Variants in SARDH observed in about 807,000 individuals in gnomAD.
SARDH encodes sarcosine dehydrogenase.
SARDH carries 95 observed loss-of-function variants against 109.1 expected under a neutral mutation model. The ratio of observed to expected loss-of-function variants is 0.87; its 90% CI spans 0.74 to 1.03. The LOEUF is 1.03. Among genes scored for constraint, SARDH ranks in the 50% least tolerant of loss-of-function variants. The probability of loss-of-function intolerance (pLI) is 0.00; values close to 1 mark genes in which losing one functional copy is unlikely to be tolerated. For missense variants in SARDH, 1,267 were observed against 1,287.8 expected, an observed-to-expected ratio of 0.98 and a Z score of 0.25; for synonymous variants, 572 against 534.8, an observed-to-expected ratio of 1.07 and a Z score of -0.96.
intron 17 of SARDH, among the ~76,000 whole-genome samples, chr9:133,682,668 G>A (rs129954): frequency 1.3e-5 from 2 of 149,062 alleles, no homozygotes; most frequent in African/African-American, 5.1e-5. Context: ...GTTGGAAACT[G>A]CTAGAAGCGA....
chr9:133,671,524 C>A lies in SARDH; in HGVS notation c.2326+11G>T. 6.2e-7 allele frequency: 1 copy of A among 1,601,574 alleles called. No homozygotes were observed. Among genetic ancestry groups the A allele is most frequent in the South Asian group, 1.1e-5 (1 of 89,124 alleles). The stretch of plus-strand genomic sequence containing the variant: ...CGCCCCCGCCCCGTGCTGTCCAGAC[C>A]CTGCACTCACCTTTCTCAATGCTCA... On this transcript the variant is annotated intron_variant, in intron 18 of 20. Transcript: ENST00000439388.
chr9:133,664,965 C>T (rs1830011349), intron 20 of SARDH, among the ~76,000 whole-genome samples: 1 of 152,190 alleles, frequency 6.6e-6, no homozygotes, highest in Non-Finnish European at 1.5e-5. Flanking sequence ...CCTTCCCCAT[C>T]TCGGAGCCTT....
intron 17 of SARDH, among the ~76,000 whole-genome samples, chr9:133,674,710 G>A (rs1004009611): frequency 2.6e-5 from 4 of 152,196 alleles, no homozygotes; most frequent in Admixed American, 6.5e-5. Context: ...AGCTGGTCGC[G>A]TACCTTACAT....
Position 133,702,975 on chromosome 9 carries a change from C to G in SARDH, c.1609G>C (p.Ala537Pro), listed in dbSNP as rs1192479180. 3.7e-6 allele frequency: 6 copies of G among 1,613,336 alleles called. No homozygotes were observed. The African/African-American group carries it at 8.0e-5, about 22-fold the overall frequency. Residue 537 changes from alanine to proline, a missense_variant, in exon 13 of 21, where the codon GCC (alanine) becomes CCC (proline). Ala to Pro is a conservative substitution (Grantham distance 27). Transcript: ENST00000439388. ...TCGTCTGCCAGCAGCCTGCGGTAGG[C>G]GTAGTCCTCGTGCGCGCGGCTCCCG... ...AYGSRAHEDY[A>P]YRRLLADEYT... is the part of the protein sequence containing the mutation.
intron 10 of SARDH, among the ~76,000 whole-genome samples, chr9:133,710,569 G>A (rs1831880009): frequency 6.6e-6 from 1 of 152,262 alleles, no homozygotes; most frequent in Non-Finnish European, 1.5e-5. Flanking sequence ...GCAACCAGGA[G>A]TCTCTGAGCA....
intron 16 of SARDH, among the ~76,000 whole-genome samples, chr9:133,688,954 A>T (rs529679749): frequency 6.6e-6 from 1 of 152,358 alleles, no homozygotes; most frequent in East Asian, 1.9e-4. Context: ...ACCACAGTGC[A>T]TATGCTTGGA....
intron 14 of SARDH, among the ~76,000 whole-genome samples, chr9:133,695,699 A>G (rs1046425146): frequency 8.5e-6 from 1 of 117,902 alleles, no homozygotes; most frequent in Admixed American, 1.1e-4. Flanking sequence ...GCAGCCCAGA[A>G]CACTCATGAA....
At chr9:133,733,223 A>T (rs1410178747) in intron 2 of SARDH, among the ~76,000 whole-genome samples, 5 of 152,046 alleles carry the variant, frequency 3.3e-5, no homozygotes, top group African/African-American at 1.2e-4. Flanking sequence ...CCTCTTCCCA[A>T]CTCCACAGTC....
rs7861063 is a variant in SARDH at position 133,736,378 on chromosome 9, G to T, written c.-31+1876C>A. The stretch of plus-strand genomic sequence containing the variant: ...GTGTCTCATGTTTAAATTCTGTTTT[G>T]TTGTTGTTGTTGTTGTTTGTTTGTT... On this transcript the variant is annotated intron_variant, in intron 1 of 20. Coordinates refer to ENST00000439388, the MANE Select transcript of SARDH (RefSeq NM_001134707.2). Among the ~76,000 whole-genome samples, 159 of 139,664 alleles carry T rather than the reference G, an allele frequency of 1.1e-3. No homozygotes were observed. In the East Asian group the frequency reaches 0.018, roughly 16 times the overall value. 91.6% of individuals were successfully genotyped at this position (139,664 alleles called of 152,430 possible).
At chr9:133,711,706 G>A (rs902619222) in intron 10 of SARDH, among the ~76,000 whole-genome samples, 4 of 152,186 alleles carry the variant, frequency 2.6e-5, no homozygotes, top group Admixed American at 6.5e-5. Context: ...TTCTCCCTCC[G>A]GAGCCCACCC....
At chr9:133,700,879 C>T (rs1468495674) in intron 13 of SARDH, among the ~76,000 whole-genome samples, 1 of 152,232 alleles carries the variant, frequency 6.6e-6, no homozygotes, top group Non-Finnish European at 1.5e-5. Flanking sequence ...ATGCCCCCCA[C>T]TGCTGAGCAG....
At chr9:133,732,809 G>C (rs1454823258) in intron 2 of SARDH, among the ~76,000 whole-genome samples, 1 of 152,216 alleles carries the variant, frequency 6.6e-6, no homozygotes, top group Non-Finnish European at 1.5e-5. Context: ...CCCTTGGGCA[G>C]CTCAGAGAGT....
rs751296591 is a variant in SARDH at position 133,685,298 on chromosome 9, A to G, written c.2070-12T>C. 4 of 1,611,574 alleles carry G rather than the reference A, an allele frequency of 2.5e-6. No individual in the cohort carries two copies. The highest frequency in any genetic ancestry group is 3.4e-6 in the Non-Finnish European group (4 of 1,179,414). ...GCAAAATGGCTCGGCTGCAGGCAAGAGCAAAGTCGCTCAGTCAGCAAGTGC... is the reference window on the plus strand; with the variant it reads ...GCAAAATGGCTCGGCTGCAGGCAAGGGCAAAGTCGCTCAGTCAGCAAGTGC... On this transcript the variant is annotated splice_polypyrimidine_tract_variant and intron_variant, in intron 16 of 20. Coordinates refer to ENST00000439388, the MANE Select transcript of SARDH (RefSeq NM_001134707.2).
chr9:133,706,824 G>A (rs1021037886), intron 11 of SARDH, among the ~76,000 whole-genome samples: 4 of 152,090 alleles, frequency 2.6e-5, no homozygotes, highest in Admixed American at 6.5e-5. Context: ...CAGATGGCCC[G>A]CTGAGGGTCT....
At chr9:133,720,228 AT>A (rs1832277605) in intron 6 of SARDH, among the ~76,000 whole-genome samples, 1 of 152,080 alleles carries the variant, frequency 6.6e-6, no homozygotes, top group Non-Finnish European at 1.5e-5. Flanking sequence ...GGAGTTCAAA[AT>A]CAGCCTGGCC....
intron 3 of SARDH, 26 bp downstream of exon 3, chr9:133,732,397 C>CA: frequency 6.4e-7 from 1 of 1,567,030 alleles, no homozygotes; most frequent in Non-Finnish European, 8.7e-7. Context: ...AGCCCCCCTC[C>CA]TTGCCCCCCG....
intron 16 of SARDH, among the ~76,000 whole-genome samples, chr9:133,685,660 C>A (rs1433458232): frequency 6.6e-6 from 1 of 152,168 alleles, no homozygotes. Context: ...ATCCACAATC[C>A]ACATCCCCAG....
intron 6 of SARDH, among the ~76,000 whole-genome samples, chr9:133,723,832 C>T (rs1394840103): frequency 6.6e-6 from 1 of 152,182 alleles, no homozygotes; most frequent in Non-Finnish European, 1.5e-5. Context: ...GGTGCTAAGA[C>T]AATTCCTTGG....
chr9:133,734,037 A>G lies in SARDH; in HGVS notation c.137T>C (p.Leu46Pro). ...CACCGAGGTGCCCTGTCCCTCCTTC[A>G]GGGTCCGCTGATATGGCACACTCTT... ...AEKSVPYQRT[L>P]KEGQGTSVVA... Residue 46 changes from leucine to proline, a missense_variant, in exon 2 of 21, where the codon CTG becomes CCG. Transcript: ENST00000439388. 6.2e-7 allele frequency: 1 copy of G among 1,613,254 alleles called. No homozygotes were observed. The highest frequency in any genetic ancestry group is 8.5e-7 in the Non-Finnish European group (1 of 1,179,934).
Sources: allele counts gnomAD v4.1 joint callset (sites outside exome capture counted in the v4.1 genomes callset), GRCh38; gene constraint gnomAD v4.1.1; transcripts MANE v1.5; gene names NCBI Gene and HGNC (gene_info 2026-07-23, HGNC 2026-07-21).